Variants in BMP1 observed in about 807,000 individuals in gnomAD.
The protein encoded by BMP1 is mammalian tolloid protein.
Under a neutral mutation model 116.8 loss-of-function variants are expected in BMP1, and 63 were observed. That is an observed-to-expected ratio of 0.54 (90% CI 0.44 to 0.67). The LOEUF is 0.67. Among genes scored for constraint, BMP1 ranks in the 30% least tolerant of loss-of-function variants. The pLI, the probability that BMP1 is intolerant of heterozygous loss-of-function variation, is 0.00. For synonymous variants in BMP1, 536 were observed against 533.4 expected (o/e 1.00, Z -0.07); for missense variants, 1,183 against 1,358.9 (o/e 0.87, Z 2.04).
In BMP1 at chr8:22,201,151, G is replaced by A. The variant is rs202093582; in HGVS notation, c.2108-652G>A. 1.6e-4 allele frequency: 262 copies of A among 1,603,244 alleles called. No individual in the cohort carries two copies. Among genetic ancestry groups the A allele is most frequent in the African/African-American group, 1.8e-4 (13 of 73,684 alleles). On this transcript the variant is annotated intron_variant, in intron 15 of 19. Transcript: ENST00000306385. ...CCAGCTCTGCAGCCCCCTCGGGGAC[G>A]CCCCCACCAGCTCAAATTCCGAGTG... is the stretch of plus-strand genomic sequence containing the variant.
At chr8:22,211,460 A>T in intron 19 of BMP1, 134 bp from the exon 20 acceptor site, 2 of 1,269,336 alleles carry the variant, frequency 1.6e-6, no homozygotes, top group Non-Finnish European at 2.2e-6. Flanking sequence ...AAGAAGCCCT[A>T]TGCTTCAAGG....
chr8:22,200,453 CAG>C (rs1236808174), intron 15 of BMP1, among the ~76,000 whole-genome samples: 2 of 152,182 alleles, frequency 1.3e-5, no homozygotes, highest in African/African-American at 2.4e-5. Context: ...GGTGGGAATG[CAG>C]AGTGTGTATT....
rs1586455574 is a variant in BMP1 at position 22,189,816 on chromosome 8, C to T, written c.1078-2233C>T. ...ACTCCCTCGCAAGAGCTAGAATGGA[C>T]TTGCATCTTCAGAGTTTCAAAATGC... On this transcript the variant is annotated intron_variant, in intron 8 of 19. Transcript: ENST00000306385. Among the ~76,000 whole-genome samples, 3 of 152,260 alleles carry T rather than the reference C, an allele frequency of 2.0e-5. 1 individual carries two copies. Among genetic ancestry groups the T allele is most frequent in the Admixed American group, 2.0e-4 (3 of 15,296 alleles).
rs572886038 is a variant in BMP1 at position 22,190,464 on chromosome 8, A to C, written c.1078-1585A>C. On this transcript the variant is annotated intron_variant, in intron 8 of 19. Transcript: ENST00000306385. ...GTCGCAGTGATGAGAACTGACGGAA[A>C]GGCTGGAAACTGAATGGAGAGTGGG... Among the ~76,000 whole-genome samples, 21 of 152,312 alleles carry C rather than the reference A, an allele frequency of 1.4e-4. No homozygotes were observed. The East Asian group carries it at 3.9e-3, about 28-fold the overall frequency.
At chr8:22,200,630 C>A (rs778988187) in intron 15 of BMP1, among the ~76,000 whole-genome samples, 3 of 152,094 alleles carry the variant, frequency 2.0e-5, no homozygotes, top group Non-Finnish European at 4.4e-5. Flanking sequence ...GCCTGTGGAC[C>A]AGCACCTGTG....
chr8:22,205,514 C>T (rs1416884131), intron 16 of BMP1, among the ~76,000 whole-genome samples: 1 of 152,134 alleles, frequency 6.6e-6, no homozygotes, highest in East Asian at 1.9e-4. Flanking sequence ...GTGGCTCATG[C>T]CTGTGACCCT....
intron 15 of BMP1, among the ~76,000 whole-genome samples, chr8:22,200,097 T>A (rs1205974083): frequency 6.6e-6 from 1 of 152,220 alleles, no homozygotes; most frequent in Non-Finnish European, 1.5e-5. Flanking sequence ...GGATCCCTCA[T>A]CTTCCCTGGC....
rs766268439 is a variant in BMP1, at chr8:22,165,457, C to T, written c.52C>T (p.Arg18Cys). 3.2e-6 allele frequency: 5 copies of T among 1,580,354 alleles called. No individual in the cohort carries two copies. The highest frequency in any genetic ancestry group is 1.8e-5 in the Admixed American group (1 of 55,754). Residue 18 changes from arginine to cysteine, a missense_variant, in exon 1 of 20, where the codon CGT becomes TGT. By Grantham distance (180) the Arg-to-Cys change is radical. Around this residue, in one of 4 missense-constraint regions of BMP1, gnomAD observed 185 missense variants for 158.9 expected, o/e 1.16. Coordinates refer to ENST00000306385, the MANE Select transcript of BMP1 (RefSeq NM_006129.5). ...PLLLGLLLLP[R>C]PGRPLDLADY... ...GCTGCTCGGGCTGCTGCTGCTCCCG[C>T]GTCCCGGCCGGCCGCTGGACTTGGC...
At chr8:22,187,497 ATTTTTT>A (rs768807192) in intron 8 of BMP1, among the ~76,000 whole-genome samples, 12 of 104,458 alleles carry the variant, frequency 1.1e-4, no homozygotes, top group Admixed American at 2.1e-4. Context: ...CGCCCGGCTA[ATTTTTT>A]TTTTTTTTTT....
In BMP1 at chr8:22,195,489, G is replaced by A. The variant is rs536037865; in HGVS notation, c.1667G>A (p.Arg556His). 13 of 1,611,282 alleles carry A rather than the reference G, an allele frequency of 8.1e-6. No individual in the cohort carries two copies. The highest frequency in any genetic ancestry group is 4.4e-5 in the South Asian group (4 of 90,744). The change falls in exon 13 of 20, where the codon CGC (arginine) becomes CAC (histidine). Residue 556 changes from arginine to histidine, a missense_variant. Transcript: ENST00000306385. ...KEVDECSRPN[R>H]GGCEQRCLNT... Reference sequence around the variant, plus strand: ...GTGGACGAGTGCTCTCGGCCCAACCGCGGGGGCTGTGAGCAGCGGTGCCTC... The same window carrying A: ...GTGGACGAGTGCTCTCGGCCCAACCACGGGGGCTGTGAGCAGCGGTGCCTC...
rs772534669 is a variant in BMP1, at chr8:22,179,661, C to T, written c.837-44C>T. The T allele has an allele frequency of 6.2e-7, 1 of 1,611,414 alleles. No individual in the cohort carries two copies. The highest frequency in any genetic ancestry group is 2.2e-5 in the East Asian group (1 of 44,754). ...GGGCATGCCACCCACTCCCTGCCCA[C>T]TGTCCATGAGACGCTCACCCTTACT... On this transcript the variant is annotated intron_variant, in intron 6 of 19. Coordinates refer to ENST00000306385, the MANE Select transcript of BMP1 (RefSeq NM_006129.5). This position sits in a 1 kb window ranked among gnomAD's most constrained non-coding sequence, Gnocchi z 4.6.
intron 15 of BMP1, among the ~76,000 whole-genome samples, chr8:22,200,239 T>C (rs1213173890): frequency 6.6e-6 from 1 of 152,216 alleles, no homozygotes; most frequent in Non-Finnish European, 1.5e-5. Context: ...TGTGTGTTCA[T>C]CGTGTGAGTG....
rs763246088 is a variant in BMP1, at chr8:22,207,018, C to G, written c.2361+37C>G. The G allele has an allele frequency of 2.5e-6, 4 of 1,610,198 alleles. No homozygotes were observed. The African/African-American group carries it at 5.3e-5, about 22-fold the overall frequency. ...CCTCCCCACTCCTTATGCGGTGTGG[C>G]TGCCCCCGGTCAGAGGCACTGCCCA... On this transcript the variant is annotated intron_variant, in intron 17 of 19. Coordinates refer to ENST00000306385, the MANE Select transcript of BMP1 (RefSeq NM_006129.5).
chr8:22,199,143 CCACACGCA>C (rs1463239583), intron 15 of BMP1: 21 of 1,367,516 alleles, frequency 1.5e-5, no homozygotes, highest in Non-Finnish European at 2.0e-5. Flanking sequence ...ACACACACGC[CCACACGCA>C]CACACATGTG....
At chr8:22,178,557 C>T (rs539596259) in intron 6 of BMP1, among the ~76,000 whole-genome samples, 4 of 146,248 alleles carry the variant, frequency 2.7e-5, no homozygotes, top group Admixed American at 2.0e-4. Context: ...ATTACAGGCG[C>T]GAGCCACCAA....
At chr8:22,198,615 G>A (rs73225869) in intron 15 of BMP1, 7,381 of 155,852 alleles carry the variant, frequency 0.047, 280 homozygotes, top group Admixed American at 0.089. Flanking sequence ...CTGCTGGGCC[G>A]GACAGGGGAT....
chr8:22,171,145 G>C (rs755766130), intron 1 of BMP1: 1 of 152,236 alleles, frequency 6.6e-6, no homozygotes, highest in Admixed American at 6.5e-5. Context: ...ACCTGCCGAG[G>C]ATGGCGATTC....
intron 1 of BMP1, among the ~76,000 whole-genome samples, chr8:22,172,714 T>C (rs988664948): frequency 2.7e-5 from 4 of 149,760 alleles, no homozygotes; most frequent in Non-Finnish European, 4.4e-5. Flanking sequence ...CTGGGTTCAA[T>C]TGATCCACCT....
In BMP1 at chr8:22,194,707, G is replaced by T; in HGVS notation, c.1444-17G>T. On this transcript the variant is annotated splice_polypyrimidine_tract_variant and intron_variant, in intron 11 of 19. Transcript: ENST00000306385. The surrounding 1 kb of genome is among the most constrained non-coding windows in gnomAD (Gnocchi z 4.5). ...GGCAGCCAGAGCCCCTTCCACTGAT[G>T]AAGCCTCGACCCCTAGATTGAGCGC... The T allele has an allele frequency of 1.9e-6, 3 of 1,594,448 alleles. No homozygotes were observed. The highest frequency in any genetic ancestry group is 2.6e-6 in the Non-Finnish European group (3 of 1,168,836).
Sources: gnomAD v4.1 joint callset for allele counts (sites outside exome capture counted in the v4.1 genomes callset) on GRCh38, gnomAD v4.1.1 for gene constraint, gnomAD v4.1.1 regional missense constraint, Gnocchi (gnomAD v3.1) non-coding constraint, MANE v1.5 for transcripts, NCBI Gene and HGNC (gene_info 2026-07-23, HGNC 2026-07-21) for gene names.